IPO5: variants seen among roughly 807,000 people sequenced by gnomAD.
IPO5 encodes the protein importin 5.
Under a neutral mutation model 143.3 loss-of-function variants are expected in IPO5, and 18 were observed. The ratio of observed to expected loss-of-function variants is 0.13; its 90% CI spans 0.09 to 0.19. The LOEUF is 0.19. Ranked by LOEUF, IPO5 falls within the 10% of genes least tolerant of loss-of-function variation. The pLI is 1.00. For missense variants in IPO5, 1,013 were observed against 1,336.9 expected (o/e 0.76, Z 3.78); for synonymous variants, 477 against 465.7 (o/e 1.02, Z -0.31).
Position 97,984,984 on chromosome 13 carries a change from T to C in IPO5, c.172-437T>C, listed in dbSNP as rs61221199. Among the ~76,000 whole-genome samples, 1,341 of 152,324 alleles carry C rather than the reference T, an allele frequency of 8.8e-3. 89 individuals carry two copies. The East Asian group carries it at 0.18, about 20-fold the overall frequency. Reference sequence around the variant, plus strand: ...CATGAAAGAAGCATTTTATCTAAGATGCTAATGAAAGGGCGGTTATGTAAC... The same window carrying C: ...CATGAAAGAAGCATTTTATCTAAGACGCTAATGAAAGGGCGGTTATGTAAC... On this transcript the variant is annotated intron_variant, in intron 5 of 28. Coordinates refer to ENST00000651721, the MANE Select transcript of IPO5 (RefSeq NM_002271.6).
At chr13:97,994,995 A>G (rs1888127204) in intron 11 of IPO5, among the ~76,000 whole-genome samples, 2 of 151,794 alleles carry the variant, frequency 1.3e-5, no homozygotes, top group African/African-American at 4.8e-5. Context: ...GCATGGTGGC[A>G]CACGCCTGTG....
At chr13:97,975,843 C>G (rs543572291) in intron 3 of IPO5, 1 of 861,656 alleles carries the variant, frequency 1.2e-6, no homozygotes, top group Admixed American at 6.2e-5. Context: ...TGGGGACGGG[C>G]GGCCTGGCGG....
At chr13:97,977,500 A>G (rs1256682204) in intron 4 of IPO5, among the ~76,000 whole-genome samples, 1 of 152,182 alleles carries the variant, frequency 6.6e-6, no homozygotes, top group East Asian at 1.9e-4. Flanking sequence ...TCTCTAGAGA[A>G]TCGTGGGATA....
chr13:97,985,207 T>C (rs56146663), intron 5 of IPO5, among the ~76,000 whole-genome samples: 56 of 152,312 alleles, frequency 3.7e-4, no homozygotes, highest in African/African-American at 1.3e-3. Context: ...CCTAATTGAA[T>C]TGTAATGTGA....
intron 16 of IPO5, among the ~76,000 whole-genome samples, chr13:98,004,414 C>T (rs1365908351): frequency 1.3e-5 from 2 of 152,134 alleles, no homozygotes; most frequent in Non-Finnish European, 1.5e-5. Context: ...GAAGGCAGAC[C>T]GAGGTGGACC....
chr13:97,991,189 AGTAAT>A (rs1327915479), intron 9 of IPO5, among the ~76,000 whole-genome samples: 5 of 152,172 alleles, frequency 3.3e-5, no homozygotes, highest in Admixed American at 6.5e-5. Context: ...GAAATGCATA[AGTAAT>A]GTAATATATA....
intron 16 of IPO5, among the ~76,000 whole-genome samples, chr13:98,005,056 C>T (rs1018592241): frequency 9.9e-5 from 15 of 151,938 alleles, no homozygotes; most frequent in Non-Finnish European, 1.9e-4. Context: ...CCCACCACAC[C>T]CGGCTAATTT....
chr13:98,021,574 T>TA (rs1413062087), intron 28 of IPO5, among the ~76,000 whole-genome samples, 162 bp from the exon 29 acceptor site: 2 of 152,164 alleles, frequency 1.3e-5, no homozygotes, highest in Admixed American at 6.6e-5. Context: ...AAATGAACTT[T>TA]AAAAAAATGA....
chr13:97,998,601 C>G (rs1176537014), intron 12 of IPO5, among the ~76,000 whole-genome samples: 1 of 152,102 alleles, frequency 6.6e-6, no homozygotes, highest in African/African-American at 2.4e-5. Context: ...AAAAGTCAAC[C>G]AAAATCTGTA....
intron 4 of IPO5, among the ~76,000 whole-genome samples, chr13:97,980,195 A>G (rs758991193): frequency 1.3e-5 from 2 of 152,250 alleles, no homozygotes; most frequent in Non-Finnish European, 2.9e-5. Flanking sequence ...AGATACAAAG[A>G]TAAAAAGTTA....
rs143938596 is a variant in IPO5 at position 97,995,817 on chromosome 13, C to T, written c.914-1714C>T. ...CTCAAGACCTGAATATTACCTTGCA[C>T]GCTGGAACTAGTTAAAAAAGTTAAG... On this transcript the variant is annotated intron_variant, in intron 11 of 28. Coordinates refer to ENST00000651721, the MANE Select transcript of IPO5 (RefSeq NM_002271.6). Among the ~76,000 whole-genome samples, 968 of 152,078 alleles carry T rather than the reference C, an allele frequency of 6.4e-3. 14 individuals are homozygous for T. Among genetic ancestry groups the T allele is most frequent in the African/African-American group, 0.022 (905 of 41,480 alleles).
chr13:97,997,761 G>T, intron 12 of IPO5, 143 bp downstream of exon 12: 1 of 410,658 alleles, frequency 2.4e-6, no homozygotes. Flanking sequence ...ATTTATTGCT[G>T]TGTCACATGT....
intron 2 of IPO5, among the ~76,000 whole-genome samples, chr13:97,964,342 C>G (rs1028598213): frequency 1.3e-5 from 2 of 150,472 alleles, no homozygotes; most frequent in Non-Finnish European, 2.9e-5. Context: ...ACATTTAAGT[C>G]TTTAATCCAT....
intron 3 of IPO5, among the ~76,000 whole-genome samples, chr13:97,970,447 C>T (rs1343358855): frequency 4.0e-5 from 6 of 151,814 alleles, no homozygotes; most frequent in African/African-American, 1.5e-4. Context: ...GGTGAAACCC[C>T]GTCTCTACTA....
chr13:97,983,910 T>G (rs536171095), intron 5 of IPO5, among the ~76,000 whole-genome samples: 1 of 151,656 alleles, frequency 6.6e-6, no homozygotes, highest in African/African-American at 2.4e-5. Flanking sequence ...TAACCTGTTC[T>G]TTTCTGTAAC....
At position 98,015,532 on chromosome 13, in the gene IPO5, C is replaced by T; in HGVS notation, c.2328C>T (p.Cys776=). The T allele has an allele frequency of 6.4e-7, 1 of 1,573,550 alleles. No individual in the cohort carries two copies. Among genetic ancestry groups the T allele is most frequent in the Non-Finnish European group, 8.7e-7 (1 of 1,145,432 alleles). The change falls in exon 23 of 29, where the codon TGC becomes TGT. Residue 776 remains cysteine, a splice_region_variant and synonymous_variant. Coordinates refer to ENST00000651721, the MANE Select transcript of IPO5 (RefSeq NM_002271.6). ...CTTTCTTTCCTCAACCTCATTAGTG[C>T]ATTGAAGTAATGGGAGATGGATGCC... is the stretch of plus-strand genomic sequence containing the variant. ...LSEIMHSFAK[C]IEVMGDGCLN...
intron 21 of IPO5, 126 bp downstream of exon 21, chr13:98,012,468 C>T (rs1889788643): frequency 2.9e-5 from 19 of 649,262 alleles, no homozygotes; most frequent in Admixed American, 4.9e-5. Flanking sequence ...TAAGTGTACT[C>T]TTAGGTGATA....
chr13:97,993,523 A>G (rs1247885307), intron 11 of IPO5, among the ~76,000 whole-genome samples: 1 of 152,192 alleles, frequency 6.6e-6, no homozygotes, highest in Admixed American at 6.5e-5. Context: ...AGAGTCAAAA[A>G]CAATTCAGCG....
intron 5 of IPO5, among the ~76,000 whole-genome samples, chr13:97,984,484 T>C (rs933098312): frequency 2.6e-4 from 39 of 152,336 alleles, no homozygotes; most frequent in African/African-American, 8.9e-4. Flanking sequence ...GTTTTTGGTA[T>C]ATGTGTGAGA....
Sources: allele counts gnomAD v4.1 joint callset (sites outside exome capture counted in the v4.1 genomes callset), GRCh38; gene constraint gnomAD v4.1.1; transcripts MANE v1.5; gene names NCBI Gene and HGNC (gene_info 2026-07-23, HGNC 2026-07-21).